BCLAF1: variants seen among roughly 807,000 people sequenced by gnomAD.
The protein encoded by BCLAF1 is bcl-2-associated transcription factor 1.
A neutral mutation model predicts 99.5 loss-of-function variants in BCLAF1; 10 were observed. That is an observed-to-expected ratio of 0.10 (90% CI 0.06 to 0.17). The LOEUF is 0.17. Among genes scored for constraint, BCLAF1 ranks in the 10% least tolerant of loss-of-function variants. The pLI is 1.00. For missense variants in BCLAF1, 636 were observed against 1,105.8 expected (o/e 0.58, Z 6.02); for synonymous variants, 255 against 370.9 (o/e 0.69, Z 3.59).
At chr6:136,289,333 G>C (rs374564120) in intron 1 of BCLAF1, among the ~76,000 whole-genome samples, 89 of 152,364 alleles carry the variant, frequency 5.8e-4, no homozygotes, top group African/African-American at 2.0e-3. Flanking sequence ...GCGGGGGAGA[G>C]AAAAATGAAC....
intron 8 of BCLAF1, among the ~76,000 whole-genome samples, chr6:136,270,591 CA>C (rs986159539): frequency 3.3e-5 from 5 of 151,690 alleles, no homozygotes; most frequent in African/African-American, 1.2e-4. Flanking sequence ...TAATCAAGAG[CA>C]AAAAAACCTT....
chr6:136,269,166 C>T (rs1305958962), intron 9 of BCLAF1: 2 of 1,287,258 alleles, frequency 1.6e-6, no homozygotes, highest in African/African-American at 3.0e-5. Context: ...AAATGCACTG[C>T]ATTGAAGTCC....
Position 136,273,194 on chromosome 6 carries a change from A to G in BCLAF1, c.1853-7T>C. 1 of 1,608,298 alleles carries G rather than the reference A, an allele frequency of 6.2e-7. No homozygotes were observed. Among genetic ancestry groups the G allele is most frequent in the Non-Finnish European group, 8.5e-7 (1 of 1,176,060 alleles). On this transcript the variant is annotated splice_polypyrimidine_tract_variant and splice_region_variant and intron_variant, in intron 6 of 12. Transcript: ENST00000531224. The stretch of plus-strand genomic sequence containing the variant: ...GCTGACTTGAAGTATTGCTCTGTTG[A>G]TTTAGAAGAAATACTGTCCGATTAG...
At position 136,278,741 on chromosome 6, in the gene BCLAF1, C is replaced by T. The variant is rs376060551; in HGVS notation, c.140G>A (p.Arg47His). Residue 47 changes from arginine (R) to histidine (H), a missense_variant, in exon 4 of 13, where the codon CGT (arginine) becomes CAT (histidine). Transcript: ENST00000531224. Reference protein sequence around the residue: ...RSRSRTYSRSRSRDRMYSRDY... With the variant: ...RSRSRTYSRSHSRDRMYSRDY... ...TCTAGAATACATACGATCTCTACTA[C>T]GAGACCTTGAATATGTTCTGGAACG... is the stretch of plus-strand genomic sequence containing the variant. 10 of 1,588,544 alleles carry T rather than the reference C, an allele frequency of 6.3e-6. No homozygotes were observed. Among genetic ancestry groups the T allele is most frequent in the Non-Finnish European group, 6.8e-6 (8 of 1,170,362 alleles).
At chr6:136,275,822 T>G (rs559952375) in intron 5 of BCLAF1, 21 bp downstream of exon 5, 12 of 1,599,812 alleles carry the variant, frequency 7.5e-6, no homozygotes, top group South Asian at 5.6e-5. Context: ...GATTATTTAC[T>G]GGGCATCAAT....
At chr6:136,269,258 T>C (rs1225748743) in intron 9 of BCLAF1, 179 bp downstream of exon 9, 2 of 1,508,450 alleles carry the variant, frequency 1.3e-6, no homozygotes, top group African/African-American at 1.4e-5. Flanking sequence ...TCCAAAGTTT[T>C]TGTCCTCATC....
chr6:136,280,617 C>T (rs925797211), intron 2 of BCLAF1, among the ~76,000 whole-genome samples: 3 of 148,246 alleles, frequency 2.0e-5, no homozygotes, highest in African/African-American at 7.9e-5. Context: ...AAAAAAAAAA[C>T]TTGGGCACCA....
At position 136,276,396 on chromosome 6, in the gene BCLAF1, C is replaced by G; in HGVS notation, c.1129G>C (p.Asp377His). Reference sequence around the variant, plus strand: ...CTGAAGTAATCTAGAGCTTCCTGATCTTCCCATTCTCCCTCTGCCCTCCCT... The same window carrying G: ...CTGAAGTAATCTAGAGCTTCCTGATGTTCCCATTCTCCCTCTGCCCTCCCT... ...EKGRAEGEWE[D>H]QEALDYFSDK... The change falls in exon 5 of 13, where the codon GAT becomes CAT. Residue 377 changes from aspartate (D) to histidine (H), a missense_variant. This residue lies in a region of BCLAF1 where 186 missense variants were observed against 275.3 expected (regional missense o/e 0.68). Coordinates refer to ENST00000531224, the MANE Select transcript of BCLAF1 (RefSeq NM_014739.3). 1 of 1,574,254 alleles carries G rather than the reference C, an allele frequency of 6.4e-7. No individual in the cohort carries two copies. The highest frequency in any genetic ancestry group is 8.6e-7 in the Non-Finnish European group (1 of 1,167,398).
At chr6:136,284,551 G>T (rs1027267241) in intron 1 of BCLAF1, among the ~76,000 whole-genome samples, 1 of 152,128 alleles carries the variant, frequency 6.6e-6, no homozygotes, top group Non-Finnish European at 1.5e-5. Flanking sequence ...TACCAACCAT[G>T]TGCCAAGAAC....
intron 2 of BCLAF1, among the ~76,000 whole-genome samples, chr6:136,282,368 A>C (rs1013358140): frequency 1.1e-4 from 17 of 152,074 alleles, no homozygotes; most frequent in Admixed American, 2.6e-4. Context: ...TAGAAATAGA[A>C]AAAGCAGGAG....
chr6:136,265,976 C>G (rs906029409), intron 11 of BCLAF1, among the ~76,000 whole-genome samples: 1 of 151,842 alleles, frequency 6.6e-6, no homozygotes, highest in African/African-American at 2.4e-5. Context: ...TTTTACTTTC[C>G]AGAATGTCAA....
rs957454717 is a variant in BCLAF1 at position 136,259,569 on chromosome 6, C to G, written c.*1541G>C. ...AGACAATTTTAGAAAGACATGTTAA[C>G]GGGGGAAAATCACACAATACTAAGG... On this transcript the variant is annotated 3_prime_UTR_variant, in exon 13 of 13. Transcript: ENST00000531224. The G allele has an allele frequency of 1.3e-5, 2 of 151,926 alleles. No homozygotes were observed. Among genetic ancestry groups the G allele is most frequent in the Admixed American group, 6.6e-5 (1 of 15,242 alleles). The allele number at this position is 151,926 out of a possible 1,614,324, so 9.4% of individuals were successfully genotyped here.
intron 6 of BCLAF1, 173 bp from the exon 7 acceptor site, chr6:136,273,360 G>A: frequency 1.8e-6 from 1 of 565,184 alleles, no homozygotes; most frequent in Non-Finnish European, 3.1e-6. Context: ...ACCTCAACAG[G>A]AGAGTGTTTC....
intron 1 of BCLAF1, among the ~76,000 whole-genome samples, chr6:136,288,012 T>G (rs1241855973): frequency 6.6e-6 from 1 of 152,166 alleles, no homozygotes; most frequent in African/African-American, 2.4e-5. Context: ...AGAGCGACAT[T>G]CCGTCTCAAG....
At chr6:136,269,728 AAAT>A in intron 8 of BCLAF1, 116 bp from the exon 9 acceptor site, 4 of 717,886 alleles carry the variant, frequency 5.6e-6, no homozygotes, top group Non-Finnish European at 8.3e-6. Flanking sequence ...TAGTATCAGA[AAAT>A]AATGAATCAT....
At chr6:136,262,304 T>C (rs541796743) in intron 11 of BCLAF1, among the ~76,000 whole-genome samples, 2 of 152,186 alleles carry the variant, frequency 1.3e-5, no homozygotes, top group South Asian at 4.1e-4. Flanking sequence ...CTTATTAACT[T>C]TGTCACCCAC....
chr6:136,265,538 A>G (rs1057479821), intron 11 of BCLAF1, among the ~76,000 whole-genome samples: 1 of 152,010 alleles, frequency 6.6e-6, no homozygotes, highest in African/African-American at 2.4e-5. Flanking sequence ...TTAAAACTCT[A>G]TTTTCTTAAA....
intron 8 of BCLAF1, 139 bp from the exon 9 acceptor site, chr6:136,269,751 T>TA (rs1782252569): frequency 1.1e-5 from 6 of 554,740 alleles, no homozygotes; most frequent in Admixed American, 7.8e-5. Context: ...TATAAGATAC[T>TA]ATCACTTAGT....
intron 7 of BCLAF1, among the ~76,000 whole-genome samples, chr6:136,272,867 A>G (rs951085339): frequency 2.6e-5 from 4 of 151,986 alleles, no homozygotes; most frequent in African/African-American, 7.2e-5. Flanking sequence ...GCAAAGTAAT[A>G]AGAGTTAATA....
Sources: allele counts gnomAD v4.1 joint callset (sites outside exome capture counted in the v4.1 genomes callset), GRCh38; gene constraint gnomAD v4.1.1; regional missense constraint gnomAD v4.1.1; transcripts MANE v1.5; gene names NCBI Gene and HGNC (gene_info 2026-07-23, HGNC 2026-07-21).